The following ATL3 variants were observed in gnomAD, a reference collection of about 807,000 sequenced individuals.
The protein encoded by ATL3 is atlastin GTPase 3.
ATL3 carries 49 observed loss-of-function variants against 69.5 expected under a neutral mutation model. The observed-to-expected ratio is 0.71, with a 90% CI of 0.56 to 0.89. The LOEUF is 0.89. Among genes scored for constraint, ATL3 ranks in the 40% least tolerant of loss-of-function variants. ATL3 has a pLI of 0.00. For missense variants in ATL3, 606 were observed against 645.7 expected (o/e 0.94, Z 0.67); for synonymous variants, 214 against 224.1 (o/e 0.95, Z 0.40).
chr11:63,648,975 G>A (rs1172152095), intron 5 of ATL3, among the ~76,000 whole-genome samples: 4 of 151,966 alleles, frequency 2.6e-5, no homozygotes, highest in African/African-American at 9.7e-5. Context: ...AAAAAAATTA[G>A]CCGGGTGTGG....
At position 63,652,586 on chromosome 11, in the gene ATL3, G is replaced by A; in HGVS notation, c.406-11C>T. ...CAGAACAACTGCAACCTAAAAAAAA[G>A]GAAAATACAAACAAAAGAGATTAAA... On this transcript the variant is annotated splice_polypyrimidine_tract_variant and intron_variant, in intron 3 of 12. Coordinates refer to ENST00000398868, the MANE Select transcript of ATL3 (RefSeq NM_015459.5). The A allele has an allele frequency of 6.3e-7, 1 of 1,581,144 alleles. No individual in the cohort carries two copies. Among genetic ancestry groups the A allele is most frequent in the Non-Finnish European group, 8.6e-7 (1 of 1,157,498 alleles).
chr11:63,636,168 C>T (rs1939508205), intron 9 of ATL3, 39 bp downstream of exon 9: 2 of 1,588,406 alleles, frequency 1.3e-6, no homozygotes, highest in Non-Finnish European at 1.7e-6. Context: ...TCAGCTTTAC[C>T]AAAAATCAAA....
rs746101256 is a variant in ATL3, at chr11:63,646,607, A to G, written c.562-44T>C. On this transcript the variant is annotated intron_variant, in intron 5 of 12. Coordinates refer to ENST00000398868, the MANE Select transcript of ATL3 (RefSeq NM_015459.5). ...ATGGTTTGTAAAGCAAAATTACTTAAAATAGTTCTATGGCCTTTTTAGCAA... is the reference window on the plus strand; with the variant it reads ...ATGGTTTGTAAAGCAAAATTACTTAGAATAGTTCTATGGCCTTTTTAGCAA... 3.7e-6 allele frequency: 5 copies of G among 1,356,380 alleles called. No individual in the cohort carries two copies. In the South Asian group the frequency reaches 6.2e-5, roughly 17 times the overall value. 84.0% of individuals were successfully genotyped at this position (1,356,380 alleles called of 1,614,324 possible).
intron 8 of ATL3, among the ~76,000 whole-genome samples, chr11:63,640,454 G>GTA (rs1389370390): frequency 6.6e-6 from 1 of 150,824 alleles, no homozygotes; most frequent in African/African-American, 2.4e-5. Context: ...TGTCCAGCTA[G>GTA]TATTTTTTTT....
rs1011933757 is a variant in ATL3 at position 63,633,116 on chromosome 11, G to A, written c.1036-19C>T. ...CAGTGGCCTTTTAAGAGAGAAAAAC[G>A]TGAACTGTAAATCCTTCCTCTTTTA... On this transcript the variant is annotated intron_variant, in intron 10 of 12. Coordinates refer to ENST00000398868, the MANE Select transcript of ATL3 (RefSeq NM_015459.5). 7.5e-6 allele frequency: 12 copies of A among 1,606,108 alleles called. No homozygotes were observed. Among genetic ancestry groups the A allele is most frequent in the Admixed American group, 6.7e-5 (4 of 59,956 alleles).
At chr11:63,653,425 A>G (rs534505) in intron 3 of ATL3, among the ~76,000 whole-genome samples, 20,533 of 151,782 alleles carry the variant, frequency 0.14, 1,499 homozygotes, top group Middle Eastern at 0.17. Context: ...AGACCACACT[A>G]CTGTACTCCA....
chr11:63,636,949 G>T (rs1436249084), intron 8 of ATL3, among the ~76,000 whole-genome samples: 1 of 151,904 alleles, frequency 6.6e-6, no homozygotes, highest in Non-Finnish European at 1.5e-5. Flanking sequence ...GGGATATCTG[G>T]TCTACTCCCT....
At chr11:63,637,482 TCTC>T (rs1939560243) in intron 8 of ATL3, among the ~76,000 whole-genome samples, 1 of 152,104 alleles carries the variant, frequency 6.6e-6, no homozygotes, top group South Asian at 2.1e-4. Flanking sequence ...TTTTCTATTA[TCTC>T]CTCAGAGACC....
chr11:63,630,752 T>C (rs1939284680), intron 12 of ATL3, among the ~76,000 whole-genome samples: 1 of 140,352 alleles, frequency 7.1e-6, no homozygotes, highest in Non-Finnish European at 1.5e-5. Flanking sequence ...GCCAAGATCA[T>C]GCCACTGGAC....
intron 1 of ATL3, among the ~76,000 whole-genome samples, chr11:63,666,072 C>G (rs1448484439): frequency 6.6e-6 from 1 of 152,130 alleles, no homozygotes. Context: ...CCTCAACCTA[C>G]CGGGCTCAGG....
intron 10 of ATL3, among the ~76,000 whole-genome samples, chr11:63,633,909 C>T (rs1469079066): frequency 6.6e-6 from 1 of 151,424 alleles, no homozygotes; most frequent in Non-Finnish European, 1.5e-5. Context: ...GTGATGTGCG[C>T]CTGTAGTCCC....
rs1940123775 is a variant in ATL3, at chr11:63,652,869, T to C, written c.406-294A>G. 6.6e-5 allele frequency among the ~76,000 whole-genome samples: 10 copies of C among 152,326 alleles called. No homozygotes were observed. In the South Asian group the frequency reaches 2.1e-3, roughly 32 times the overall value. Reference sequence around the variant, plus strand: ...CTTATCACCCAGCCAGGCATTTGGATGTTTCCTGTTGTTGAAAAAGAAACT... The same window carrying C: ...CTTATCACCCAGCCAGGCATTTGGACGTTTCCTGTTGTTGAAAAAGAAACT... On this transcript the variant is annotated intron_variant, in intron 3 of 12. Transcript: ENST00000398868.
At chr11:63,637,483 C>A (rs1336863255) in intron 8 of ATL3, among the ~76,000 whole-genome samples, 1 of 152,116 alleles carries the variant, frequency 6.6e-6, no homozygotes, top group Non-Finnish European at 1.5e-5. Flanking sequence ...TTTCTATTAT[C>A]TCCTCAGAGA....
At chr11:63,669,799 T>C (rs1940716734) in intron 1 of ATL3, among the ~76,000 whole-genome samples, 1 of 151,744 alleles carries the variant, frequency 6.6e-6, no homozygotes, top group African/African-American at 2.4e-5. Flanking sequence ...ATACAAAAAA[T>C]TAGCTGGGCC....
chr11:63,643,676 C>T (rs1421463154), intron 7 of ATL3, among the ~76,000 whole-genome samples, 181 bp from the exon 8 acceptor site: 1 of 152,184 alleles, frequency 6.6e-6, no homozygotes, highest in East Asian at 1.9e-4. Context: ...TACGGCTTGA[C>T]TCCTATAGCT....
chr11:63,635,716 G>A (rs182263771), intron 9 of ATL3, 126 bp from the exon 10 acceptor site: 29 of 689,654 alleles, frequency 4.2e-5, no homozygotes, highest in Non-Finnish European at 1.5e-5. Context: ...CCAGGAATTA[G>A]CAAAAACACA....
chr11:63,648,274 T>C (rs1406991043), intron 5 of ATL3, among the ~76,000 whole-genome samples: 2 of 152,190 alleles, frequency 1.3e-5, no homozygotes, highest in African/African-American at 4.8e-5. Flanking sequence ...CACAGCAAGC[T>C]TCTACCCACC....
At chr11:63,633,147 C>A in intron 10 of ATL3, 50 bp from the exon 11 acceptor site, 1 of 1,459,382 alleles carries the variant, frequency 6.9e-7, no homozygotes, top group South Asian at 1.1e-5. Flanking sequence ...TTTTAACATT[C>A]CTCCACAAAT....
intron 8 of ATL3, among the ~76,000 whole-genome samples, chr11:63,637,306 G>C (rs1006916050): frequency 6.6e-6 from 1 of 151,314 alleles, no homozygotes; most frequent in African/African-American, 2.4e-5. Context: ...TCATTAACAG[G>C]GTCTTCAACA....
Sources: gnomAD v4.1 joint callset for allele counts (sites outside exome capture counted in the v4.1 genomes callset) on GRCh38, gnomAD v4.1.1 for gene constraint, MANE v1.5 for transcripts, NCBI Gene and HGNC (gene_info 2026-07-23, HGNC 2026-07-21) for gene names.